The following RAB30 variants were observed in gnomAD, a reference collection of about 807,000 sequenced individuals.
The protein encoded by RAB30 is ras-related protein Rab-30.
Under a neutral mutation model 25.1 loss-of-function variants are expected in RAB30, and 9 were observed. The ratio of observed to expected loss-of-function variants is 0.36; its 90% CI spans 0.22 to 0.63. The LOEUF is 0.63. RAB30 is among the 20% of genes least tolerant of loss of function. RAB30 has a pLI of 0.69. For missense variants in RAB30, 140 were observed against 243.5 expected (o/e 0.58, Z 2.83); for synonymous variants, 77 against 86.4 (o/e 0.89, Z 0.60).
At chr11:83,057,480 T>G (rs948680224) in intron 1 of RAB30, among the ~76,000 whole-genome samples, 2 of 152,198 alleles carry the variant, frequency 1.3e-5, no homozygotes, top group Admixed American at 1.3e-4. Flanking sequence ...GAAAAGCTTA[T>G]TCAAGTTTCT....
At chr11:83,059,426 T>C (rs1482945463) in intron 1 of RAB30, among the ~76,000 whole-genome samples, 1 of 152,244 alleles carries the variant, frequency 6.6e-6, no homozygotes, top group Non-Finnish European at 1.5e-5. Flanking sequence ...TGTGTATACA[T>C]ACCCATTTAT....
intron 1 of RAB30, among the ~76,000 whole-genome samples, chr11:83,061,002 TC>T (rs1858562015): frequency 1.3e-5 from 2 of 152,194 alleles, no homozygotes; most frequent in African/African-American, 4.8e-5. Context: ...GCCTTTGGAC[TC>T]CAGGACTTAA....
At chr11:82,991,199 A>G (rs1275083782) in intron 3 of RAB30, among the ~76,000 whole-genome samples, 1 of 152,232 alleles carries the variant, frequency 6.6e-6, no homozygotes, top group African/African-American at 2.4e-5. Flanking sequence ...GATACTCAGT[A>G]AATGTTAAAG....
chr11:83,071,195 A>G (rs1008609132), intron 1 of RAB30: 1 of 152,256 alleles, frequency 6.6e-6, no homozygotes, highest in Non-Finnish European at 1.5e-5. Flanking sequence ...ATAAAGCCCT[A>G]CAAAACTTAA....
intron 2 of RAB30, 63 bp from the exon 3 acceptor site, chr11:82,994,185 C>A: frequency 1.4e-6 from 2 of 1,421,548 alleles, no homozygotes; most frequent in Middle Eastern, 1.8e-4. Context: ...AAATTTTCTC[C>A]TCTCCCCCAG....
chr11:83,052,044 C>A (rs774486142), intron 1 of RAB30, among the ~76,000 whole-genome samples: 1 of 152,140 alleles, frequency 6.6e-6, no homozygotes, highest in South Asian at 2.1e-4. Context: ...GAGAATGATG[C>A]CACAAATGCC....
intron 1 of RAB30, among the ~76,000 whole-genome samples, chr11:83,040,346 T>C (rs949127553): frequency 6.6e-6 from 1 of 152,194 alleles, no homozygotes; most frequent in Non-Finnish European, 1.5e-5. Context: ...CCCAGCACTT[T>C]GGGAGGCCGA....
intron 1 of RAB30, among the ~76,000 whole-genome samples, chr11:83,055,829 C>G (rs187178635): frequency 6.6e-6 from 1 of 152,316 alleles, no homozygotes; most frequent in East Asian, 1.9e-4. Context: ...AACAAGGCAC[C>G]ATCCAAAGGG....
intron 1 of RAB30, among the ~76,000 whole-genome samples, chr11:83,060,517 C>G (rs7115989): frequency 2.0e-5 from 3 of 152,082 alleles, no homozygotes; most frequent in African/African-American, 7.3e-5. Context: ...AGTGATGTTA[C>G]AAACTGACAT....
intron 1 of RAB30, among the ~76,000 whole-genome samples, chr11:83,031,377 TTC>T (rs1857854160): frequency 6.6e-6 from 1 of 152,248 alleles, no homozygotes; most frequent in Non-Finnish European, 1.5e-5. Flanking sequence ...CATTCTAAAT[TTC>T]TCTGTTTGTT....
chr11:83,059,232 G>A (rs138255749), intron 1 of RAB30, among the ~76,000 whole-genome samples: 176 of 152,284 alleles, frequency 1.2e-3, no homozygotes, highest in Middle Eastern at 6.8e-3. Flanking sequence ...GTGAGCCACC[G>A]TGCCTGGCCT....
intron 1 of RAB30, among the ~76,000 whole-genome samples, chr11:83,033,884 AAACC>A (rs201561113): frequency 1.5e-3 from 233 of 150,422 alleles, no homozygotes; most frequent in African/African-American, 5.7e-3. Flanking sequence ...AATGAAAAAA[AAACC>A]AAACAAACAA....
At chr11:83,004,412 C>A (rs1243996945) in intron 1 of RAB30, among the ~76,000 whole-genome samples, 1 of 152,114 alleles carries the variant, frequency 6.6e-6, no homozygotes, top group Non-Finnish European at 1.5e-5. Context: ...CTGGACATCC[C>A]ATCTGAGTAC....
intron 3 of RAB30, among the ~76,000 whole-genome samples, chr11:82,992,736 AACACAC>A (rs113845129): frequency 4.4e-4 from 58 of 131,216 alleles, no homozygotes; most frequent in Middle Eastern, 3.6e-3. Flanking sequence ...CTCTGTCACC[AACACAC>A]ACACACACAC....
rs1856979691 is a variant in RAB30 at position 82,997,267 on chromosome 11, T to C, written c.50A>G (p.Asn17Ser). 3 of 1,613,258 alleles carry C rather than the reference T, an allele frequency of 1.9e-6. No homozygotes were observed. Among genetic ancestry groups the C allele is most frequent in the Non-Finnish European group, 2.5e-6 (3 of 1,179,208 alleles). Reference protein sequence around the residue: ...DFLFKIVLIGNAGVGKTCLVR... With the variant: ...DFLFKIVLIGSAGVGKTCLVR... ...GAGGCACGTCTTCCCCACACCAGCG[T>C]TGCCAATTAAAACAATTTTGAACAG... Residue 17 changes from asparagine (N) to serine (S), a missense_variant, in exon 2 of 5, where the codon AAC (asparagine) becomes AGC (serine). Asn to Ser is a conservative substitution (Grantham distance 46, BLOSUM62 1). Transcript: ENST00000527633.
chr11:83,007,080 G>A (rs189290164), intron 1 of RAB30, among the ~76,000 whole-genome samples: 1 of 152,236 alleles, frequency 6.6e-6, no homozygotes, highest in Non-Finnish European at 1.5e-5. Context: ...CCATTTTACA[G>A]AAATGAGATT....
intron 1 of RAB30, among the ~76,000 whole-genome samples, chr11:83,043,237 C>G (rs946134165): frequency 3.3e-5 from 5 of 152,172 alleles, no homozygotes; most frequent in African/African-American, 1.2e-4. Flanking sequence ...CAAGCCTGTT[C>G]TAGCCTGTTC....
chr11:83,027,867 C>T (rs1252326085), intron 1 of RAB30, among the ~76,000 whole-genome samples: 2 of 152,104 alleles, frequency 1.3e-5, no homozygotes, highest in Non-Finnish European at 2.9e-5. Context: ...TAGATTTGTC[C>T]ATTCTGGCCA....
At chr11:83,023,849 A>G (rs1200699460) in intron 1 of RAB30, among the ~76,000 whole-genome samples, 1 of 151,838 alleles carries the variant, frequency 6.6e-6, no homozygotes, top group East Asian at 1.9e-4. Context: ...TTCTTATTCC[A>G]CCTTGCTCAG....
Sources: allele counts gnomAD v4.1 joint callset (sites outside exome capture counted in the v4.1 genomes callset), GRCh38; gene constraint gnomAD v4.1.1; transcripts MANE v1.5; gene names NCBI Gene and HGNC (gene_info 2026-07-23, HGNC 2026-07-21).